The following CACNB2 variants were observed in gnomAD, a reference collection of about 807,000 sequenced individuals.
The protein encoded by CACNB2 is voltage-dependent L-type calcium channel subunit beta-2.
A neutral mutation model predicts 73.3 loss-of-function variants in CACNB2; 42 were observed. The observed-to-expected ratio is 0.57, with a 90% CI of 0.45 to 0.74. The LOEUF (loss-of-function observed/expected upper bound fraction) is 0.74. Ranked by LOEUF, CACNB2 falls within the 30% of genes least tolerant of loss-of-function variation. CACNB2 has a pLI of 0.00. For synonymous variants in CACNB2, 348 were observed against 310.3 expected (o/e 1.12, Z -1.28); for missense variants, 940 against 853.0 (o/e 1.10, Z -1.27).
At chr10:18,290,092 T>TTTTTTTC (rs1271465616) in intron 2 of CACNB2, among the ~76,000 whole-genome samples, 1 of 148,544 alleles carries the variant, frequency 6.7e-6, no homozygotes, top group Non-Finnish European at 1.5e-5. Flanking sequence ...CTCTTTAAAG[T>TTTTTTTC]TTTTTTCTTT....
chr10:18,361,351 T>C (rs910285493), intron 2 of CACNB2, among the ~76,000 whole-genome samples: 5 of 142,382 alleles, frequency 3.5e-5, no homozygotes, highest in Non-Finnish European at 7.7e-5. Context: ...AAAAAAAAAA[T>C]AGCTGTGCAT....
At chr10:18,195,516 C>T (rs2034584568) in intron 2 of CACNB2, among the ~76,000 whole-genome samples, 1 of 152,186 alleles carries the variant, frequency 6.6e-6, no homozygotes, top group Admixed American at 6.5e-5. Context: ...TGTGTCTCAG[C>T]TTTTGGTAAA....
intron 3 of CACNB2, among the ~76,000 whole-genome samples, chr10:18,414,208 T>A (rs2044801889): frequency 1.3e-5 from 2 of 152,228 alleles, no homozygotes; most frequent in Admixed American, 1.3e-4. Context: ...TCTCCTGTAC[T>A]CTAACTTTGA....
rs564223885 is a variant in CACNB2 at position 18,201,739 on chromosome 10, A to G, written c.213+50764A>G. 1.4e-4 allele frequency among the ~76,000 whole-genome samples: 21 copies of G among 152,312 alleles called. 1 individual carries two copies. The South Asian group carries it at 3.1e-3, about 23-fold the overall frequency. ...TATTCAATATCTCCTCTTCACAGCTATTTTAAAATGTATAACATATTATTA... is the reference window on the plus strand; with the variant it reads ...TATTCAATATCTCCTCTTCACAGCTGTTTTAAAATGTATAACATATTATTA... On this transcript the variant is annotated intron_variant, in intron 2 of 13. Transcript: ENST00000324631.
At chr10:18,262,148 A>G (rs76083823) in intron 2 of CACNB2, among the ~76,000 whole-genome samples, 3,825 of 152,322 alleles carry the variant, frequency 0.025, 158 homozygotes, top group African/African-American at 0.088. Context: ...ACTGCAAAAC[A>G]AATAGAAAAT....
intron 2 of CACNB2, among the ~76,000 whole-genome samples, chr10:18,331,759 G>A (rs1008239240): frequency 6.6e-6 from 1 of 152,116 alleles, no homozygotes; most frequent in East Asian, 1.9e-4. Flanking sequence ...CAACAGAGCC[G>A]GGCCTAGCTC....
At chr10:18,519,978 C>T (rs997412549) in intron 9 of CACNB2, 10 of 327,142 alleles carry the variant, frequency 3.1e-5, no homozygotes, top group Non-Finnish European at 5.9e-5. Flanking sequence ...TTCCTTCTAT[C>T]ACACTGACTG....
chr10:18,291,705 C>T (rs2131775726), intron 2 of CACNB2, among the ~76,000 whole-genome samples: 1 of 152,320 alleles, frequency 6.6e-6, no homozygotes, highest in South Asian at 2.1e-4. Context: ...TTGACCGCTT[C>T]AGTACTGTAT....
In CACNB2 at chr10:18,503,213, G is replaced by A. The variant is rs990335175; in HGVS notation, c.593+2265G>A. Among the ~76,000 whole-genome samples the A allele has an allele frequency of 5.3e-5, 8 of 152,182 alleles. 1 individual carries two copies. The highest frequency in any genetic ancestry group is 9.7e-5 in the African/African-American group (4 of 41,442). Reference sequence around the variant, plus strand: ...CTGCCTGCAGGGTGTTTGAAGACCCGATAGGATTCTTTCAATCCTTAATGT... The same window carrying A: ...CTGCCTGCAGGGTGTTTGAAGACCCAATAGGATTCTTTCAATCCTTAATGT... On this transcript the variant is annotated intron_variant, in intron 5 of 13. Transcript: ENST00000324631.
At chr10:18,367,168 A>G (rs1465759607) in intron 2 of CACNB2, among the ~76,000 whole-genome samples, 1 of 152,010 alleles carries the variant, frequency 6.6e-6, no homozygotes, top group Non-Finnish European at 1.5e-5. Context: ...ACTTTCCACT[A>G]AAGTGCTTGT....
intron 2 of CACNB2, among the ~76,000 whole-genome samples, chr10:18,199,465 G>A (rs2034777803): frequency 1.3e-5 from 2 of 152,096 alleles, no homozygotes; most frequent in South Asian, 2.1e-4. Flanking sequence ...AGATGACATG[G>A]GGCAGATGGA....
At chr10:18,454,964 T>C (rs910897133) in intron 3 of CACNB2, among the ~76,000 whole-genome samples, 3 of 149,676 alleles carry the variant, frequency 2.0e-5, no homozygotes, top group African/African-American at 7.4e-5. Context: ...ATCACTGGAG[T>C]GCAGGAGTTC....
intron 5 of CACNB2, among the ~76,000 whole-genome samples, chr10:18,501,894 G>T (rs1036946383): frequency 2.6e-5 from 4 of 152,038 alleles, no homozygotes; most frequent in Admixed American, 6.6e-5. Context: ...TAGTTCAGAC[G>T]GATTCCTCTG....
chr10:18,370,582 G>T (rs1216179894), intron 2 of CACNB2, among the ~76,000 whole-genome samples: 1 of 152,180 alleles, frequency 6.6e-6, no homozygotes, highest in Non-Finnish European at 1.5e-5. Flanking sequence ...TTACTGGCAT[G>T]AGCCATTGCA....
chr10:18,204,353 C>T (rs1262789963), intron 2 of CACNB2, among the ~76,000 whole-genome samples: 2 of 152,194 alleles, frequency 1.3e-5, no homozygotes, highest in East Asian at 3.8e-4. Context: ...AATGACACAT[C>T]ACCACTAAAC....
At chr10:18,343,843 T>C (rs528674091) in intron 2 of CACNB2, among the ~76,000 whole-genome samples, 2 of 152,198 alleles carry the variant, frequency 1.3e-5, no homozygotes, top group South Asian at 2.1e-4. Flanking sequence ...GCTCTAAAAC[T>C]GTGTGCAAAT....
chr10:18,332,332 G>A (rs2040837963), intron 2 of CACNB2, among the ~76,000 whole-genome samples: 1 of 152,158 alleles, frequency 6.6e-6, no homozygotes, highest in Non-Finnish European at 1.5e-5. Context: ...ACAGGACTTG[G>A]TAAGTGATTA....
intron 2 of CACNB2, among the ~76,000 whole-genome samples, chr10:18,230,707 A>C (rs1294779140): frequency 1.3e-5 from 2 of 152,250 alleles, no homozygotes; most frequent in Non-Finnish European, 2.9e-5. Flanking sequence ...AGAATATTAA[A>C]GATCATGTCA....
chr10:18,467,513 G>A (rs1018937865), intron 3 of CACNB2, among the ~76,000 whole-genome samples: 10 of 152,206 alleles, frequency 6.6e-5, no homozygotes, highest in Non-Finnish European at 1.5e-4. Context: ...CTAGACCTAC[G>A]TAAAAGATAC....
Sources: allele counts gnomAD v4.1 joint callset (sites outside exome capture counted in the v4.1 genomes callset), GRCh38; gene constraint gnomAD v4.1.1; transcripts MANE v1.5; gene names NCBI Gene and HGNC (gene_info 2026-07-23, HGNC 2026-07-21).